Variants in YAP1 observed in about 807,000 individuals in gnomAD.
YAP1 encodes Yes1 associated transcriptional regulator, also known as transcriptional coactivator YAP1.
Under a neutral mutation model 56.9 loss-of-function variants are expected in YAP1, and 5 were observed. The ratio of observed to expected loss-of-function variants is 0.09; its 90% CI spans 0.05 to 0.18. YAP1 has a LOEUF of 0.18. YAP1 is among the 10% of genes least tolerant of loss of function. The pLI, the probability that YAP1 is intolerant of heterozygous loss-of-function variation, is 1.00. For missense variants in YAP1, 539 were observed against 651.8 expected, an observed-to-expected ratio of 0.83 and a Z score of 1.88; for synonymous variants, 265 against 248.1, an observed-to-expected ratio of 1.07 and a Z score of -0.64.
intron 7 of YAP1, 103 bp from the exon 8 acceptor site, chr11:102,227,366 A>G: frequency 1.3e-6 from 1 of 790,604 alleles, no homozygotes; most frequent in Non-Finnish European, 2.1e-6. Flanking sequence ...ATTTTCACTA[A>G]TCCTCTTTGA....
At chr11:102,189,540 T>C (rs1235984376) in intron 4 of YAP1, among the ~76,000 whole-genome samples, 1 of 152,210 alleles carries the variant, frequency 6.6e-6, no homozygotes, top group Non-Finnish European at 1.5e-5. Flanking sequence ...GAAAAAATTA[T>C]ACTTCTGAAT....
In YAP1 at chr11:102,128,778, A is replaced by G. The variant is rs147506784; in HGVS notation, c.572+14384A>G. Among the ~76,000 whole-genome samples the G allele has an allele frequency of 2.0e-4, 31 of 152,306 alleles. No homozygotes were observed. The East Asian group carries it at 2.1e-3, about 10-fold the overall frequency. ...CAGAGAGCCTGGAGATATAATTTCT[A>G]TTCTTATGTATGATAAGGGAGGTAG... On this transcript the variant is annotated intron_variant, in intron 2 of 8. Transcript: ENST00000282441.
intron 3 of YAP1, among the ~76,000 whole-genome samples, chr11:102,174,862 G>A (rs1947144963): frequency 6.6e-6 from 1 of 152,122 alleles, no homozygotes; most frequent in African/African-American, 2.4e-5. Flanking sequence ...AGTAGTTGGG[G>A]CACCAGTATG....
chr11:102,112,098 G>GT (rs1942969214), intron 1 of YAP1, among the ~76,000 whole-genome samples: 1 of 152,212 alleles, frequency 6.6e-6, no homozygotes, highest in Non-Finnish European at 1.5e-5. Flanking sequence ...CAGGAACTGA[G>GT]TTGCGCTTTA....
At chr11:102,111,658 G>C (rs1384881521) in intron 1 of YAP1, among the ~76,000 whole-genome samples, 2 of 152,174 alleles carry the variant, frequency 1.3e-5, no homozygotes, top group Admixed American at 1.3e-4. Flanking sequence ...TGCCAGCGGC[G>C]GCCGAGTTTG....
intron 2 of YAP1, among the ~76,000 whole-genome samples, chr11:102,145,691 C>T (rs1565455880): frequency 6.6e-6 from 1 of 152,074 alleles, no homozygotes; most frequent in Non-Finnish European, 1.5e-5. Flanking sequence ...ATTTTATAAC[C>T]TATTAGTTTG....
intron 3 of YAP1, among the ~76,000 whole-genome samples, chr11:102,170,966 CAA>C (rs5794159): frequency 1.6e-3 from 211 of 129,216 alleles, no homozygotes; most frequent in Non-Finnish European, 1.9e-3. Context: ...GACTCTGTCT[CAA>C]AAAAAAAAAA....
intron 2 of YAP1, among the ~76,000 whole-genome samples, chr11:102,158,585 G>A (rs1946087737): frequency 6.6e-6 from 1 of 151,974 alleles, no homozygotes; most frequent in Non-Finnish European, 1.5e-5. Flanking sequence ...TTGAATAGCA[G>A]GGGTATGAAA....
intron 2 of YAP1, among the ~76,000 whole-genome samples, chr11:102,123,969 TG>T: frequency 6.7e-6 from 1 of 148,622 alleles, no homozygotes; most frequent in Admixed American, 6.7e-5. Context: ...TTTGTTTTTT[TG>T]AGATGGAGTC....
At chr11:102,148,096 A>G (rs532957304) in intron 2 of YAP1, among the ~76,000 whole-genome samples, 4 of 152,322 alleles carry the variant, frequency 2.6e-5, no homozygotes, top group African/African-American at 9.6e-5. Context: ...AGTAGTCTAT[A>G]TTAGACACTT....
rs893047294 is a variant in YAP1, at chr11:102,119,554, T to TA, written c.572+5169dup. Among the ~76,000 whole-genome samples the TA allele has an allele frequency of 8.8e-4, 131 of 148,886 alleles. 1 individual carries two copies. The highest frequency in any genetic ancestry group is 3.4e-3 in the Middle Eastern group (1 of 290). On this transcript the variant is annotated intron_variant, in intron 2 of 8. Transcript: ENST00000282441. ...CTAATTTTCTTTTTAAAGTCACATTTAAAAAAAAATACCCTTTCCTAAAGC... is the reference window on the plus strand; with the variant it reads ...CTAATTTTCTTTTTAAAGTCACATTTAAAAAAAAAATACCCTTTCCTAAAGC...
Position 102,110,758 on chromosome 11 carries a change from GCTT to G in YAP1, c.-88_-86del. The G allele has an allele frequency of 8.5e-7, 1 of 1,169,828 alleles. No homozygotes were observed. The highest frequency in any genetic ancestry group is 1.1e-6 in the Non-Finnish European group (1 of 934,802). 72.5% of individuals were successfully genotyped at this position (1,169,828 alleles called of 1,614,324 possible). On this transcript the variant is annotated 5_prime_UTR_variant, in exon 1 of 9. Transcript: ENST00000282441. ...CGCCGCCCGGCCCGCAGCCGTCGCC[GCTT>G]CTCCACCTCGGCCCGTGGAGCCGGG...
intron 4 of YAP1, among the ~76,000 whole-genome samples, chr11:102,197,675 C>A (rs569684704): frequency 6.6e-6 from 1 of 152,202 alleles, no homozygotes; most frequent in South Asian, 2.1e-4. Context: ...AGCACAGACT[C>A]TAAATTTTAA....
intron 6 of YAP1, 130 bp from the exon 7 acceptor site, chr11:102,223,492 T>C (rs764465886): frequency 1.1e-6 from 1 of 952,130 alleles, no homozygotes; most frequent in Admixed American, 3.0e-5. Flanking sequence ...GATTGGGAAA[T>C]GTATTAACTT....
intron 2 of YAP1, among the ~76,000 whole-genome samples, chr11:102,125,768 A>T (rs912512104): frequency 2.6e-5 from 4 of 152,122 alleles, no homozygotes; most frequent in Admixed American, 1.3e-4. Context: ...TTATGGTTGT[A>T]GTAATATAAT....
chr11:102,212,218 T>C (rs1949436595), intron 6 of YAP1, among the ~76,000 whole-genome samples: 1 of 152,170 alleles, frequency 6.6e-6, no homozygotes, highest in Non-Finnish European at 1.5e-5. Flanking sequence ...GTGAGATCAG[T>C]GTCATTTTCT....
chr11:102,164,131 A>T (rs10750635), intron 3 of YAP1, among the ~76,000 whole-genome samples: 1 of 151,844 alleles, frequency 6.6e-6, no homozygotes, highest in Non-Finnish European at 1.5e-5. Flanking sequence ...TCTGCCTCCC[A>T]GGTTCAAGTG....
chr11:102,192,120 A>G (rs1447627865), intron 4 of YAP1, among the ~76,000 whole-genome samples: 1 of 152,214 alleles, frequency 6.6e-6, no homozygotes, highest in Non-Finnish European at 1.5e-5. Context: ...AGTGTAGCCC[A>G]TTCTACTTAA....
At chr11:102,165,445 T>C (rs1946546609) in intron 3 of YAP1, among the ~76,000 whole-genome samples, 1 of 152,150 alleles carries the variant, frequency 6.6e-6, no homozygotes, top group Admixed American at 6.5e-5. Flanking sequence ...CATATACATG[T>C]CTAAATAATA....
Sources: allele counts gnomAD v4.1 joint callset (sites outside exome capture counted in the v4.1 genomes callset), GRCh38; gene constraint gnomAD v4.1.1; transcripts MANE v1.5; gene names NCBI Gene and HGNC (gene_info 2026-07-23, HGNC 2026-07-21).